Variants in HMCN1 observed in about 807,000 individuals in gnomAD.
HMCN1 encodes hemicentin 1.
A neutral mutation model predicts 625.9 loss-of-function variants in HMCN1; 321 were observed. The observed-to-expected ratio is 0.51, with a 90% confidence interval of 0.47 to 0.56. The LOEUF (loss-of-function observed/expected upper bound fraction) is 0.56, where lower values mean the gene tolerates loss of function less well. Ranked by LOEUF, HMCN1 falls within the 20% of genes least tolerant of loss-of-function variation. The pLI, the probability that HMCN1 is intolerant of heterozygous loss-of-function variation, is 0.00. For missense variants in HMCN1, 6,588 were observed against 6,887.3 expected (o/e 0.96, Z 1.54); for synonymous variants, 2,425 against 2,417.6 (o/e 1.00, Z -0.09).
intron 57 of HMCN1, among the ~76,000 whole-genome samples, chr1:186,083,500 T>TAAAA (rs58407499): frequency 0.055 from 6,775 of 123,552 alleles, 267 homozygotes; most frequent in African/African-American, 0.092. Flanking sequence ...CACTTTTTGC[T>TAAAA]AAAAAAAAAA....
Position 186,145,435 on chromosome 1 carries a change from G to C in HMCN1, c.14299G>C (p.Gly4767Arg). ...HGNWSPWSGW[G>R]TCSRTCNGGQ... ...TAACTGGAGTCCTTGGAGTGGCTGG[G>C]GAACATGCAGCCGGACGTGTAACGG... Residue 4767 changes from glycine to arginine, a missense_variant, in exon 92 of 107, where the codon GGA (glycine) becomes CGA (arginine). By Grantham distance (125) the Gly-to-Arg change is moderately radical (BLOSUM62 -2). Transcript: ENST00000271588. The C allele has an allele frequency of 6.3e-7, 1 of 1,598,266 alleles. No homozygotes were observed. The highest frequency in any genetic ancestry group is 1.1e-5 in the South Asian group (1 of 88,442).
chr1:185,798,512 C>T (rs1658559681), intron 1 of HMCN1, among the ~76,000 whole-genome samples: 1 of 152,084 alleles, frequency 6.6e-6, no homozygotes, highest in South Asian at 2.1e-4. Context: ...ACCTCTGACT[C>T]CTAGATTTGA....
At chr1:186,096,401 G>A (rs1660141760) in intron 68 of HMCN1, among the ~76,000 whole-genome samples, 1 of 152,074 alleles carries the variant, frequency 6.6e-6, no homozygotes. Flanking sequence ...ATACACTAGA[G>A]ACTATTAATG....
chr1:186,042,378 C>T (rs1201304636), intron 40 of HMCN1, among the ~76,000 whole-genome samples: 1 of 152,162 alleles, frequency 6.6e-6, no homozygotes, highest in Admixed American at 6.6e-5. Flanking sequence ...AATAGTTCTT[C>T]AGTCATTAGG....
In HMCN1 at chr1:186,001,295, C is replaced by A; in HGVS notation, c.4070-3C>A. On this transcript the variant is annotated splice_region_variant and splice_polypyrimidine_tract_variant and intron_variant, in intron 26 of 106. Coordinates refer to ENST00000271588, the MANE Select transcript of HMCN1 (RefSeq NM_031935.3). The stretch of plus-strand genomic sequence containing the variant: ...GCTAGCTATGACTCCTCTCTTTTTG[C>A]AGTTCCTCCAGTAATTAAAGATAAA... 1 of 1,609,318 alleles carries A rather than the reference C, an allele frequency of 6.2e-7. No individual in the cohort carries two copies. The highest frequency in any genetic ancestry group is 1.1e-5 in the South Asian group (1 of 90,986).
intron 36 of HMCN1, 53 bp downstream of exon 36, chr1:186,023,206 A>C (rs561529968): frequency 1.3e-6 from 2 of 1,483,400 alleles, no homozygotes; most frequent in East Asian, 2.3e-5. Context: ...CTTTTTAAAA[A>C]CATAGTGGGC....
At chr1:185,977,211 G>A (rs749108939) in intron 15 of HMCN1, among the ~76,000 whole-genome samples, 16 of 151,706 alleles carry the variant, frequency 1.1e-4, no homozygotes, top group South Asian at 2.1e-4. Flanking sequence ...ACTTTGATTC[G>A]TATTATTTAT....
At chr1:185,899,180 T>C (rs1665664332) in intron 4 of HMCN1, among the ~76,000 whole-genome samples, 2 of 152,288 alleles carry the variant, frequency 1.3e-5, no homozygotes, top group South Asian at 4.1e-4. Flanking sequence ...TAGTGTCCAG[T>C]GACACTGGGG....
At chr1:185,761,480 G>A (rs1316401881) in intron 1 of HMCN1, among the ~76,000 whole-genome samples, 1 of 152,082 alleles carries the variant, frequency 6.6e-6, no homozygotes, top group East Asian at 1.9e-4. Context: ...TGTTAACTTC[G>A]AGTGGTATTA....
intron 49 of HMCN1, 122 bp downstream of exon 49, chr1:186,065,551 T>G (rs1447637931): frequency 7.8e-6 from 5 of 640,704 alleles, no homozygotes; most frequent in Non-Finnish European, 1.3e-5. Context: ...GGAGGACCAG[T>G]GCTTGTGTAC....
At chr1:186,189,364 A>G (rs1438752435) in intron 106 of HMCN1, 148 bp from the exon 107 acceptor site, 2 of 760,248 alleles carry the variant, frequency 2.6e-6, no homozygotes, top group Non-Finnish European at 4.5e-6. Flanking sequence ...AGTTAGTGAC[A>G]CAGAAGACGA....
At chr1:186,001,793 A>G in intron 28 of HMCN1, 52 bp downstream of exon 28, 1 of 1,409,256 alleles carries the variant, frequency 7.1e-7, no homozygotes, top group East Asian at 2.3e-5. Flanking sequence ...TTTCTTACCT[A>G]AAATAGAGCT....
At chr1:186,055,886 T>C (rs1319030204) in intron 45 of HMCN1, among the ~76,000 whole-genome samples, 2 of 151,990 alleles carry the variant, frequency 1.3e-5, no homozygotes, top group Admixed American at 1.3e-4. Context: ...TATTAGATAT[T>C]CTTTAAGGAA....
intron 15 of HMCN1, among the ~76,000 whole-genome samples, 188 bp from the exon 16 acceptor site, chr1:185,977,599 T>C (rs983002944): frequency 3.3e-5 from 5 of 152,164 alleles, no homozygotes; most frequent in African/African-American, 1.2e-4. Context: ...GTGTCTCTCT[T>C]CATTTATAAA....
chr1:185,884,367 A>G (rs537528435), intron 4 of HMCN1, among the ~76,000 whole-genome samples: 1 of 152,090 alleles, frequency 6.6e-6, no homozygotes, highest in South Asian at 2.1e-4. Flanking sequence ...CCTTATGCAG[A>G]TATCTGGACG....
intron 3 of HMCN1, among the ~76,000 whole-genome samples, 159 bp from the exon 4 acceptor site, chr1:185,865,582 T>TACACACACACAC (rs56891910): frequency 8.1e-5 from 11 of 135,196 alleles, no homozygotes; most frequent in African/African-American, 1.9e-4. Flanking sequence ...TATATAAGCA[T>TACACACACACAC]ACACACACAC....
chr1:185,799,004 T>C (rs1658597178), intron 1 of HMCN1, among the ~76,000 whole-genome samples: 2 of 152,232 alleles, frequency 1.3e-5, no homozygotes, highest in Non-Finnish European at 2.9e-5. Flanking sequence ...TACTATTTCT[T>C]ATTTTGGAAT....
At chr1:185,883,878 GATTTTTTTTTT>G (rs1171793531) in intron 4 of HMCN1, among the ~76,000 whole-genome samples, 1 of 93,658 alleles carries the variant, frequency 1.1e-5, no homozygotes, top group African/African-American at 4.5e-5. Flanking sequence ...TATAGGTCAT[GATTTTTTTTTT>G]TTTTTTTTTT....
rs1661468445 is a variant in HMCN1, at chr1:186,123,009, C to A, written c.12288C>A (p.Ile4096=). ...ATGTTATTGCTGTGGACAAGCCCATCACGTTATCCTGTGAAGCAGATGGCC... is the reference window on the plus strand; with the variant it reads ...ATGTTATTGCTGTGGACAAGCCCATAACGTTATCCTGTGAAGCAGATGGCC... ...KEYVIAVDKP[I]TLSCEADGLP... Residue 4096 remains isoleucine, a synonymous_variant, in exon 81 of 107, where the codon ATC becomes ATA. Transcript: ENST00000271588. The A allele has an allele frequency of 2.5e-6, 4 of 1,614,040 alleles. No homozygotes were observed. In the East Asian group the frequency reaches 6.7e-5, roughly 27 times the overall value.
Sources: allele counts gnomAD v4.1 joint callset (sites outside exome capture counted in the v4.1 genomes callset), GRCh38; gene constraint gnomAD v4.1.1; transcripts MANE v1.5; gene names NCBI Gene and HGNC (gene_info 2026-07-23, HGNC 2026-07-21).